Variants in SYBU observed in about 807,000 individuals in gnomAD.
SYBU encodes syntabulin, also known as GOLSYN A protein.
SYBU carries 21 observed loss-of-function variants against 35.9 expected under a neutral mutation model. The ratio of observed to expected loss-of-function variants is 0.58; its 90% CI spans 0.41 to 0.84. The LOEUF is 0.84. Among genes scored for constraint, SYBU ranks in the 40% least tolerant of loss-of-function variants. The probability of loss-of-function intolerance (pLI) is 0.00; values close to 1 mark genes in which losing one functional copy is unlikely to be tolerated. For missense variants in SYBU, 768 were observed against 848.2 expected (o/e 0.91, Z 1.17); for synonymous variants, 319 against 324.3 (o/e 0.98, Z 0.18).
chr8:109,672,983 T>C (rs1817043628), intron 1 of SYBU, among the ~76,000 whole-genome samples: 1 of 152,184 alleles, frequency 6.6e-6, no homozygotes, highest in Non-Finnish European at 1.5e-5. Flanking sequence ...CCTCTTTGGG[T>C]TCCTCCTCTC....
intron 1 of SYBU, among the ~76,000 whole-genome samples, chr8:109,659,666 A>C (rs1342722129): frequency 6.6e-6 from 1 of 152,156 alleles, no homozygotes; most frequent in East Asian, 1.9e-4. Context: ...TCCCACACTA[A>C]GAACAATTCG....
At chr8:109,657,026 T>TTAA (rs1816381631) in intron 1 of SYBU, among the ~76,000 whole-genome samples, 1 of 152,142 alleles carries the variant, frequency 6.6e-6, no homozygotes, top group Admixed American at 6.5e-5. Context: ...ATCCTATTTA[T>TTAA]TAATACAGGA....
At position 109,667,772 on chromosome 8, in the gene SYBU, C is replaced by T. The variant is rs570035202; in HGVS notation, c.-129+12939G>A. Among the ~76,000 whole-genome samples the T allele has an allele frequency of 3.3e-5, 5 of 152,198 alleles. No individual in the cohort carries two copies. In the South Asian group the frequency reaches 8.3e-4, roughly 25 times the overall value. On this transcript the variant is annotated intron_variant, in intron 1 of 5. Transcript: ENST00000408889. ...CATCCCAAAGTGTTGGGATTACAGG[C>T]TTTTTTGTTGTTGTTGTTTATGTGT...
In SYBU at chr8:109,590,249, TG is replaced by T. The variant is rs1193209693; in HGVS notation, c.428-4088del. ...GAATGGACTCTTAACTGCTAAGGCT[TG>T]GGGGGCCCAGCCAAGGTATCCAAGA... On this transcript the variant is annotated intron_variant, in intron 3 of 6. Coordinates refer to ENST00000276646, the MANE Select transcript of SYBU (RefSeq NM_001099754.2). Among the ~76,000 whole-genome samples the T allele has an allele frequency of 3.3e-5, 5 of 152,288 alleles. No homozygotes were observed. The East Asian group carries it at 9.6e-4, about 29-fold the overall frequency.
At chr8:109,576,064 A>AAAAAAG in intron 6 of SYBU, 51 bp from the exon 7 acceptor site, 1 of 1,483,726 alleles carries the variant, frequency 6.7e-7, no homozygotes, top group South Asian at 1.4e-5. Context: ...AAAAAAAAAA[A>AAAAAAG]AAAAAACTTT....
At chr8:109,623,460 T>G (rs941929660) in intron 2 of SYBU, among the ~76,000 whole-genome samples, 1 of 152,196 alleles carries the variant, frequency 6.6e-6, no homozygotes, top group Non-Finnish European at 1.5e-5. Context: ...GTGGGCTATC[T>G]AAAGTACTGT....
upstream of SYBU, among the ~76,000 whole-genome samples, chr8:109,681,514 T>C (rs977415750): frequency 6.6e-6 from 1 of 152,194 alleles, no homozygotes; most frequent in Admixed American, 6.5e-5. Context: ...TAATGTCAAA[T>C]TTTTAAGAAG....
chr8:109,613,159 C>A (rs1285497565), intron 3 of SYBU, among the ~76,000 whole-genome samples: 1 of 152,126 alleles, frequency 6.6e-6, no homozygotes, highest in Non-Finnish European at 1.5e-5. Context: ...AGCAACTATT[C>A]CTCTCCTTTT....
intron 3 of SYBU, among the ~76,000 whole-genome samples, chr8:109,600,625 C>T (rs1199571711): frequency 6.6e-6 from 1 of 152,126 alleles, no homozygotes; most frequent in Non-Finnish European, 1.5e-5. Flanking sequence ...TGGAAATGGG[C>T]AAAAACTCTG....
chr8:109,682,098 T>G (rs566095921), upstream of SYBU, among the ~76,000 whole-genome samples: 1 of 152,222 alleles, frequency 6.6e-6, no homozygotes, highest in Non-Finnish European at 1.5e-5. Flanking sequence ...GATATGTCTT[T>G]ATTAGCAGCA....
chr8:109,653,170 A>T (rs1378833851), intron 1 of SYBU, among the ~76,000 whole-genome samples: 1 of 152,190 alleles, frequency 6.6e-6, no homozygotes. Flanking sequence ...TACATTATGT[A>T]TTCCTAGGCA....
At chr8:109,605,528 T>C (rs988241129) in intron 3 of SYBU, among the ~76,000 whole-genome samples, 4 of 152,164 alleles carry the variant, frequency 2.6e-5, no homozygotes, top group Non-Finnish European at 5.9e-5. Context: ...GCCACGTTCT[T>C]TCCAGGGAAA....
At chr8:109,685,415 T>C (rs961900656), upstream of SYBU, among the ~76,000 whole-genome samples, 5 of 152,216 alleles carry the variant, frequency 3.3e-5, no homozygotes, top group African/African-American at 1.2e-4. Context: ...TTGCACTTAT[T>C]CATTCACTAA....
At chr8:109,608,759 C>T (rs1006591384) in intron 3 of SYBU, among the ~76,000 whole-genome samples, 1 of 152,160 alleles carries the variant, frequency 6.6e-6, no homozygotes, top group African/African-American at 2.4e-5. Flanking sequence ...TTTCTTATTT[C>T]CCATTTTATA....
At position 109,575,901 on chromosome 8, in the gene SYBU, CT is replaced by C; in HGVS notation, c.996del (p.Glu333ArgfsTer30). On this transcript the variant is annotated frameshift_variant, in exon 7 of 7. Transcript: ENST00000276646. LOFTEE classifies it low-confidence loss of function (END_TRUNC). ...ATGACCTGTTTGAGCTGTTTAATCT[CT>C]TTCCTGGCTTCTTTGAGTGCCAACT... ...EAQLALKEAR[K>X]EIKQLKQVIE... The C allele has an allele frequency of 6.2e-7, 1 of 1,614,048 alleles. No individual in the cohort carries two copies. The highest frequency in any genetic ancestry group is 8.5e-7 in the Non-Finnish European group (1 of 1,180,024).
In SYBU at chr8:109,574,890, TAAC is replaced by T. The variant is rs758114416; in HGVS notation, c.*13_*15del. 335 of 1,511,182 alleles carry T rather than the reference TAAC, an allele frequency of 2.2e-4. No individual in the cohort carries two copies. The highest frequency in any genetic ancestry group is 2.6e-4 in the Non-Finnish European group (296 of 1,129,796). 93.6% of individuals were successfully genotyped at this position (1,511,182 alleles called of 1,614,324 possible). A position where few individuals can be genotyped will look rare whatever the true frequency, so the allele number is the denominator to read the frequency against. Reference sequence around the variant, plus strand: ...CCACATGGGACACATTGGCACACGGTAACAACAACTTCTATTTAGGTTTTGATA... The same window carrying T: ...CCACATGGGACACATTGGCACACGGTAACAACTTCTATTTAGGTTTTGATA... On this transcript the variant is annotated 3_prime_UTR_variant, in exon 7 of 7. Transcript: ENST00000276646.
chr8:109,642,796 C>A lies in SYBU; in HGVS notation c.161G>T (p.Ser54Ile). 1.9e-6 allele frequency: 3 copies of A among 1,613,764 alleles called. No homozygotes were observed. The highest frequency in any genetic ancestry group is 2.5e-6 in the Non-Finnish European group (3 of 1,179,830). Residue 54 changes from serine to isoleucine, a missense_variant, in exon 2 of 7, where the codon AGC (serine) becomes ATC (isoleucine). Ser to Ile is a moderately radical substitution (Grantham distance 142, BLOSUM62 -2). Coordinates refer to ENST00000276646, the MANE Select transcript of SYBU (RefSeq NM_001099754.2). ...ASESPFSEEE[S>I]REFNPSSSGR... ...AGAGCTGCTGGGGTTGAACTCTCTGCTCTCTTCCTCAGAGAAAGGAGACTC... is the reference window on the plus strand; with the variant it reads ...AGAGCTGCTGGGGTTGAACTCTCTGATCTCTTCCTCAGAGAAAGGAGACTC...
At chr8:109,592,719 A>G (rs1028097803) in intron 3 of SYBU, among the ~76,000 whole-genome samples, 12 of 152,250 alleles carry the variant, frequency 7.9e-5, no homozygotes, top group African/African-American at 2.9e-4. Flanking sequence ...AAAGTTTCTG[A>G]CCAGAAGTAG....
chr8:109,649,254 G>A (rs143157363), upstream of SYBU, among the ~76,000 whole-genome samples: 210 of 151,888 alleles, frequency 1.4e-3, no homozygotes, highest in East Asian at 0.018. Flanking sequence ...TGCCCGCCTC[G>A]GCCTCCCAAA....
Sources: gnomAD v4.1 joint callset for allele counts (sites outside exome capture counted in the v4.1 genomes callset) on GRCh38, gnomAD v4.1.1 for gene constraint, MANE v1.5 for transcripts, NCBI Gene and HGNC (gene_info 2026-07-23, HGNC 2026-07-21) for gene names.